PIP5K1B: variants seen among roughly 807,000 people sequenced by gnomAD.
The protein encoded by PIP5K1B is phosphatidylinositol-4-phosphate 5-kinase type 1 beta.
PIP5K1B carries 42 observed loss-of-function variants against 67.0 expected under a neutral mutation model. The ratio of observed to expected loss-of-function variants is 0.63; its 90% CI spans 0.49 to 0.81. The LOEUF (loss-of-function observed/expected upper bound fraction) is 0.81. Ranked by LOEUF, PIP5K1B falls within the 30% of genes least tolerant of loss-of-function variation. PIP5K1B has a pLI of 0.00. For synonymous variants in PIP5K1B, 214 were observed against 231.4 expected, an observed-to-expected ratio of 0.92 and a Z score of 0.68; for missense variants, 459 against 646.3, an observed-to-expected ratio of 0.71 and a Z score of 3.14.
At chr9:68,780,995 A>G in intron 2 of PIP5K1B, 3 of 1,614,028 alleles carry the variant, frequency 1.9e-6, no homozygotes, top group Non-Finnish European at 2.5e-6. Context: ...CGGCTTCTCC[A>G]TTTATTCCAC....
At chr9:68,792,369 G>A (rs990175190) in intron 2 of PIP5K1B, among the ~76,000 whole-genome samples, 9 of 152,114 alleles carry the variant, frequency 5.9e-5, no homozygotes, top group Non-Finnish European at 1.3e-4. Context: ...TGATATTTGC[G>A]GTGAGATTTT....
intron 2 of PIP5K1B, among the ~76,000 whole-genome samples, chr9:68,799,059 G>A (rs971880943): frequency 3.3e-5 from 5 of 152,218 alleles, no homozygotes; most frequent in Non-Finnish European, 2.9e-5. Context: ...GAAATAAAGA[G>A]GTGTTTGAGT....
chr9:68,772,696 C>A (rs1328713271), intron 2 of PIP5K1B, among the ~76,000 whole-genome samples: 1 of 152,128 alleles, frequency 6.6e-6, no homozygotes, highest in East Asian at 1.9e-4. Flanking sequence ...TGTATATGAA[C>A]CTTCCAATTC....
chr9:68,708,132 T>A (rs1175403073), intron 1 of PIP5K1B: 1 of 151,936 alleles, frequency 6.6e-6, no homozygotes, highest in East Asian at 1.9e-4. Flanking sequence ...GCTTAACATC[T>A]ACAGTATATT....
chr9:68,881,367 A>G (rs1489444622), intron 6 of PIP5K1B, among the ~76,000 whole-genome samples: 1 of 152,220 alleles, frequency 6.6e-6, no homozygotes, highest in African/African-American at 2.4e-5. Context: ...GAAATAAGAC[A>G]TTGCTTGAAA....
chr9:68,801,023 T>C (rs1832572060), intron 2 of PIP5K1B, among the ~76,000 whole-genome samples: 1 of 152,182 alleles, frequency 6.6e-6, no homozygotes, highest in Admixed American at 6.5e-5. Flanking sequence ...TTCCTAGGGC[T>C]CTCAGGCCTC....
chr9:68,937,280 AT>A (rs763870124), intron 13 of PIP5K1B, among the ~76,000 whole-genome samples: 1 of 152,068 alleles, frequency 6.6e-6, no homozygotes, highest in African/African-American at 2.4e-5. Flanking sequence ...TACTGCCTCA[AT>A]TTCAGAACTT....
intron 14 of PIP5K1B, among the ~76,000 whole-genome samples, chr9:68,956,395 C>G (rs867118196): frequency 6.6e-6 from 1 of 152,080 alleles, no homozygotes; most frequent in Non-Finnish European, 1.5e-5. Flanking sequence ...ACTTGAACCC[C>G]GGAGGCAGAG....
At chr9:68,779,724 C>A (rs1163566661) in intron 2 of PIP5K1B, among the ~76,000 whole-genome samples, 1 of 152,176 alleles carries the variant, frequency 6.6e-6, no homozygotes, top group Admixed American at 6.5e-5. Flanking sequence ...CCCACTTCTT[C>A]AGATTTCAGG....
chr9:68,810,307 G>A (rs11143793), intron 2 of PIP5K1B, among the ~76,000 whole-genome samples: 58,531 of 152,088 alleles, frequency 0.38, 11,951 homozygotes, highest in Middle Eastern at 0.47. Flanking sequence ...CTTGGCAGAG[G>A]CACCAAAACA....
chr9:68,998,246 G>A (rs1402295530), intron 15 of PIP5K1B, among the ~76,000 whole-genome samples: 1 of 151,904 alleles, frequency 6.6e-6, no homozygotes, highest in East Asian at 1.9e-4. Flanking sequence ...GAATAGAGAT[G>A]AGGTTTCCCC....
intron 2 of PIP5K1B, among the ~76,000 whole-genome samples, chr9:68,793,145 G>A (rs570028041): frequency 1.6e-3 from 124 of 77,022 alleles, no homozygotes; most frequent in Non-Finnish European, 2.8e-4. Flanking sequence ...CAGGAGCTCA[G>A]CATGGCTGAA....
At chr9:68,986,444 T>A (rs573283221) in intron 14 of PIP5K1B, among the ~76,000 whole-genome samples, 79 of 152,200 alleles carry the variant, frequency 5.2e-4, no homozygotes, top group Non-Finnish European at 1.1e-3. Context: ...ATTTGCCTTT[T>A]TATTGCTAAG....
intron 4 of PIP5K1B, among the ~76,000 whole-genome samples, chr9:68,828,848 T>A (rs887688807): frequency 2.6e-5 from 4 of 152,132 alleles, no homozygotes; most frequent in African/African-American, 9.7e-5. Context: ...ATGCCTGTAA[T>A]CCCAGCACTT....
chr9:68,793,259 C>A (rs1471750291), intron 2 of PIP5K1B, among the ~76,000 whole-genome samples: 1 of 152,092 alleles, frequency 6.6e-6, no homozygotes, highest in Non-Finnish European at 1.5e-5. Context: ...ATGAAGGACA[C>A]TGGCTTTATG....
intron 4 of PIP5K1B, among the ~76,000 whole-genome samples, chr9:68,848,967 G>C (rs1434477598): frequency 1.3e-5 from 2 of 152,174 alleles, no homozygotes; most frequent in African/African-American, 4.8e-5. Context: ...TGATGATACT[G>C]GTATTGGTAG....
intron 2 of PIP5K1B, among the ~76,000 whole-genome samples, chr9:68,804,736 T>G (rs762342918): frequency 6.6e-6 from 1 of 152,028 alleles, no homozygotes; most frequent in South Asian, 2.1e-4. Flanking sequence ...GAACTACAGG[T>G]GTGCACCACT....
At chr9:68,919,415 G>A (rs1009042610) in intron 9 of PIP5K1B, 64 bp from the exon 10 acceptor site, 58 of 773,964 alleles carry the variant, frequency 7.5e-5, no homozygotes, top group Non-Finnish European at 1.1e-4. Context: ...TATTAGAAAT[G>A]ATTTTTTAAC....
At chr9:68,786,943 C>T (rs181479799) in intron 2 of PIP5K1B, among the ~76,000 whole-genome samples, 129 of 152,232 alleles carry the variant, frequency 8.5e-4, no homozygotes, top group African/African-American at 2.7e-3. Context: ...GTACCACCCC[C>T]GCATGGACAA....
Sources: gnomAD v4.1 joint callset for allele counts (sites outside exome capture counted in the v4.1 genomes callset) on GRCh38, gnomAD v4.1.1 for gene constraint, MANE v1.5 for transcripts, NCBI Gene and HGNC (gene_info 2026-07-23, HGNC 2026-07-21) for gene names.